The following LRRTM4 variants were observed in gnomAD, a reference collection of about 807,000 sequenced individuals.
LRRTM4 encodes the protein leucine-rich repeat transmembrane neuronal protein 4.
Under a neutral mutation model 47.6 loss-of-function variants are expected in LRRTM4, and 25 were observed. The observed-to-expected ratio is 0.53, with a 90% CI of 0.38 to 0.73. The LOEUF is 0.73. Among genes scored for constraint, LRRTM4 ranks in the 30% least tolerant of loss-of-function variants. LRRTM4 has a pLI of 0.00. For missense variants in LRRTM4, 638 were observed against 713.4 expected (o/e 0.89, Z 1.20); for synonymous variants, 311 against 269.5 (o/e 1.15, Z -1.51).
intron 3 of LRRTM4, among the ~76,000 whole-genome samples, chr2:77,274,984 C>A (rs1278307237): frequency 6.6e-6 from 1 of 151,990 alleles, no homozygotes; most frequent in African/African-American, 2.4e-5. Context: ...GACACACAGT[C>A]ATTAGTGTGC....
chr2:76,912,432 A>G (rs1674102457), intron 3 of LRRTM4, among the ~76,000 whole-genome samples: 1 of 152,192 alleles, frequency 6.6e-6, no homozygotes, highest in Non-Finnish European at 1.5e-5. Context: ...TAGTGCTTGG[A>G]TAAGTCTCAT....
intron 3 of LRRTM4, among the ~76,000 whole-genome samples, chr2:77,205,084 T>C (rs1457915131): frequency 6.6e-6 from 1 of 152,204 alleles, no homozygotes; most frequent in Non-Finnish European, 1.5e-5. Flanking sequence ...TGGAAGGGTA[T>C]GAACATTTTC....
chr2:77,044,690 A>T (rs1295730341), intron 3 of LRRTM4, among the ~76,000 whole-genome samples: 3 of 151,484 alleles, frequency 2.0e-5, no homozygotes, highest in Admixed American at 6.6e-5. Flanking sequence ...CATATTACAA[A>T]ATATATATAT....
intron 3 of LRRTM4, among the ~76,000 whole-genome samples, chr2:77,232,709 C>T (rs1368535692): frequency 1.3e-5 from 2 of 152,228 alleles, no homozygotes; most frequent in African/African-American, 4.8e-5. Flanking sequence ...GCACTATGAA[C>T]GTATTGTTGC....
At chr2:77,160,063 G>T (rs1410072764) in intron 3 of LRRTM4, among the ~76,000 whole-genome samples, 3 of 152,072 alleles carry the variant, frequency 2.0e-5, no homozygotes, top group Non-Finnish European at 4.4e-5. Context: ...ATTCACTCTT[G>T]AATTTCTCCA....
chr2:77,031,500 G>T (rs1278639137), intron 3 of LRRTM4, among the ~76,000 whole-genome samples: 13 of 152,090 alleles, frequency 8.5e-5, no homozygotes, highest in Non-Finnish European at 1.5e-5. Flanking sequence ...AATACACATT[G>T]TTCTACTGAA....
chr2:76,974,800 T>C (rs974071956), intron 3 of LRRTM4, among the ~76,000 whole-genome samples: 15 of 151,814 alleles, frequency 9.9e-5, no homozygotes, highest in African/African-American at 3.6e-4. Context: ...CAAAAGTTGT[T>C]AAATTTTGCA....
intron 3 of LRRTM4, among the ~76,000 whole-genome samples, chr2:77,013,349 C>T (rs566023787): frequency 7.2e-5 from 11 of 152,236 alleles, no homozygotes; most frequent in African/African-American, 2.6e-4. Flanking sequence ...GTCATTCTCC[C>T]TCAGCTCGCA....
At chr2:77,498,101 A>T (rs538776718) in intron 3 of LRRTM4, among the ~76,000 whole-genome samples, 1 of 151,980 alleles carries the variant, frequency 6.6e-6, no homozygotes, top group Admixed American at 6.6e-5. Context: ...AGAGAAGAAA[A>T]AAATATTATT....
intron 3 of LRRTM4, among the ~76,000 whole-genome samples, chr2:77,126,841 T>C (rs866178250): frequency 1.3e-5 from 2 of 152,194 alleles, no homozygotes; most frequent in Non-Finnish European, 2.9e-5. Context: ...CTGGCTTTTT[T>C]CAGGAGAGGG....
At chr2:77,489,159 C>T (rs1441106891) in intron 3 of LRRTM4, among the ~76,000 whole-genome samples, 2 of 151,956 alleles carry the variant, frequency 1.3e-5, no homozygotes, top group African/African-American at 4.8e-5. Context: ...TTTTTCAGTA[C>T]TACTCTATGA....
intron 3 of LRRTM4, among the ~76,000 whole-genome samples, chr2:76,777,060 G>A (rs1674045048): frequency 7.2e-6 from 1 of 138,742 alleles, no homozygotes; most frequent in Admixed American, 7.4e-5. Flanking sequence ...TCAAAGATCA[G>A]ATAGTTGTAG....
At chr2:77,301,691 C>A (rs1677136666) in intron 3 of LRRTM4, among the ~76,000 whole-genome samples, 1 of 151,938 alleles carries the variant, frequency 6.6e-6, no homozygotes, top group Non-Finnish European at 1.5e-5. Context: ...AGCTGGCAAT[C>A]TACTCATGTA....
chr2:77,227,022 A>G (rs1445693563), intron 3 of LRRTM4, among the ~76,000 whole-genome samples: 3 of 151,948 alleles, frequency 2.0e-5, no homozygotes, highest in African/African-American at 7.2e-5. Flanking sequence ...TTCTCCACTG[A>G]CTGTTATTCC....
intron 3 of LRRTM4, among the ~76,000 whole-genome samples, chr2:77,098,962 A>G (rs1000413786): frequency 6.6e-6 from 1 of 152,000 alleles, no homozygotes; most frequent in Non-Finnish European, 1.5e-5. Flanking sequence ...CAATAATATA[A>G]AAGTCTGAAA....
intron 3 of LRRTM4, among the ~76,000 whole-genome samples, chr2:76,962,336 C>T (rs78762148): frequency 0.021 from 3,108 of 151,206 alleles, 90 homozygotes; most frequent in African/African-American, 0.066. Flanking sequence ...GCAGTGGTTA[C>T]AAATGTGGCA....
chr2:76,797,116 G>C (rs890401512), intron 3 of LRRTM4, among the ~76,000 whole-genome samples: 1 of 151,930 alleles, frequency 6.6e-6, no homozygotes, highest in Non-Finnish European at 1.5e-5. Flanking sequence ...TACAGAGAAT[G>C]CCACAAAGAT....
chr2:76,887,146 C>T (rs918886988), intron 3 of LRRTM4, among the ~76,000 whole-genome samples: 3 of 151,282 alleles, frequency 2.0e-5, no homozygotes, highest in South Asian at 2.1e-4. Flanking sequence ...CAGATATAGG[C>T]GAGCAAATAC....
chr2:77,083,599 T>C (rs1402015580), intron 3 of LRRTM4, among the ~76,000 whole-genome samples: 3 of 152,106 alleles, frequency 2.0e-5, no homozygotes, highest in Non-Finnish European at 2.9e-5. Flanking sequence ...TCAAGTACTG[T>C]AGCTAGTCCT....
Sources: gnomAD v4.1 joint callset for allele counts (sites outside exome capture counted in the v4.1 genomes callset) on GRCh38, gnomAD v4.1.1 for gene constraint, MANE v1.5 for transcripts, NCBI Gene and HGNC (gene_info 2026-07-23, HGNC 2026-07-21) for gene names.